The following PPP4R3B variants were observed in gnomAD, a reference collection of about 807,000 sequenced individuals.
PPP4R3B encodes the protein protein phosphatase 4 regulatory subunit 3B, also known as serine/threonine-protein phosphatase 4 regulatory subunit 3B.
A neutral mutation model predicts 95.4 loss-of-function variants in PPP4R3B; 52 were observed. That is an observed-to-expected ratio of 0.54 (90% confidence interval 0.44 to 0.69). The LOEUF (loss-of-function observed/expected upper bound fraction) is 0.69, where lower values mean the gene tolerates loss of function less well. Among genes scored for constraint, PPP4R3B ranks in the 30% least tolerant of loss-of-function variants. The pLI is 0.00. For synonymous variants in PPP4R3B, 407 were observed against 343.9 expected (o/e 1.18, Z -2.03); for missense variants, 1,003 against 1,005.9 (o/e 1.00, Z 0.04).
Position 55,615,476 on chromosome 2 carries a change from G to T in PPP4R3B, c.173C>A (p.Pro58Gln). The T allele has an allele frequency of 6.3e-7, 1 of 1,592,448 alleles. No individual in the cohort carries two copies. Among genetic ancestry groups the T allele is most frequent in the South Asian group, 1.1e-5 (1 of 87,782 alleles). ...GSLLLESKIN[P>Q]NTAYQKQQDT... is the part of the protein sequence containing the mutation. ...CTGTTGTTTCTGATATGCAGTATTTGGATTTATCTTTGATTCCAAGAGTAG... is the reference window on the plus strand; with the variant it reads ...CTGTTGTTTCTGATATGCAGTATTTTGATTTATCTTTGATTCCAAGAGTAG... Residue 58 changes from proline to glutamine, a missense_variant, in exon 2 of 17, where the codon CCA becomes CAA. Pro to Gln is a moderately conservative substitution (Grantham distance 76). Coordinates refer to ENST00000616407, the MANE Select transcript of PPP4R3B (RefSeq NM_001122964.3).
At chr2:55,553,798 G>A (rs1186763963) in intron 16 of PPP4R3B, among the ~76,000 whole-genome samples, 1 of 152,038 alleles carries the variant, frequency 6.6e-6, no homozygotes, top group Non-Finnish European at 1.5e-5. Flanking sequence ...CTTTTTTATG[G>A]CCAAATAATA....
At chr2:55,581,186 G>C (rs1018017577) in intron 8 of PPP4R3B, among the ~76,000 whole-genome samples, 1 of 152,146 alleles carries the variant, frequency 6.6e-6, no homozygotes, top group Admixed American at 6.5e-5. Flanking sequence ...CCGAGAGGCG[G>C]AGGTTGCAGT....
At chr2:55,579,103 A>C (rs2104197360) in intron 9 of PPP4R3B, among the ~76,000 whole-genome samples, 1 of 152,212 alleles carries the variant, frequency 6.6e-6, no homozygotes, top group East Asian at 1.9e-4. Flanking sequence ...TCCTTCAAAA[A>C]ATTTTTAGAT....
At chr2:55,571,639 TTCTTGAGACAGAGTC>T (rs1191925358) in intron 12 of PPP4R3B, among the ~76,000 whole-genome samples, 1 of 152,212 alleles carries the variant, frequency 6.6e-6, no homozygotes, top group East Asian at 1.9e-4. Flanking sequence ...GTTTGTTTGT[TTCTTGAGACAGAGTC>T]TTGCTCTGTT....
At position 55,617,308 on chromosome 2, in the gene PPP4R3B, C is replaced by G; in HGVS notation, c.-23G>C. ...CATGGTGGCTGCTGTCTCCACCGCTCTAGCCGCCGCCTCCTCGCTTACCTC... is the reference window on the plus strand; with the variant it reads ...CATGGTGGCTGCTGTCTCCACCGCTGTAGCCGCCGCCTCCTCGCTTACCTC... On this transcript the variant is annotated 5_prime_UTR_variant, in exon 1 of 17. Coordinates refer to ENST00000616407, the MANE Select transcript of PPP4R3B (RefSeq NM_001122964.3). The G allele has an allele frequency of 6.4e-7, 1 of 1,572,488 alleles. No individual in the cohort carries two copies. Among genetic ancestry groups the G allele is most frequent in the South Asian group, 1.1e-5 (1 of 87,684 alleles).
chr2:55,580,665 T>G (rs895961508), intron 8 of PPP4R3B, among the ~76,000 whole-genome samples: 1 of 152,196 alleles, frequency 6.6e-6, no homozygotes, highest in Non-Finnish European at 1.5e-5. Flanking sequence ...CTTTGAAAAT[T>G]TGGAAAATAA....
intron 12 of PPP4R3B, among the ~76,000 whole-genome samples, chr2:55,570,032 A>G (rs1350172125): frequency 2.0e-5 from 3 of 152,146 alleles, no homozygotes; most frequent in Non-Finnish European, 2.9e-5. Flanking sequence ...CAGGCAGATC[A>G]CGAGATCAGG....
chr2:55,585,079 A>G lies in PPP4R3B; in HGVS notation c.1205T>C (p.Val402Ala). Residue 402 changes from valine to alanine, a missense_variant, in exon 7 of 17, where the codon GTA (valine) becomes GCA (alanine). By Grantham distance (64) the Val-to-Ala change is moderately conservative. This residue lies in a region of PPP4R3B where 695 missense variants were observed against 686.2 expected (regional missense o/e 1.01). Transcript: ENST00000616407. ...ATCACTCTGCTGAGCTTCTTGCATT[A>G]CAAACTCTCGGACCATAGATGGACT... ...EFSPSMVREF[V>A]MQEAQQSDDD... 1 of 1,611,702 alleles carries G rather than the reference A, an allele frequency of 6.2e-7. No homozygotes were observed. The highest frequency in any genetic ancestry group is 1.1e-5 in the South Asian group (1 of 90,420).
chr2:55,558,232 T>C (rs1156969567), intron 16 of PPP4R3B, among the ~76,000 whole-genome samples: 2 of 152,066 alleles, frequency 1.3e-5, no homozygotes, highest in Non-Finnish European at 2.9e-5. Context: ...TCCAAGAAAA[T>C]AATTTAAAAT....
At chr2:55,578,139 C>A (rs1688939099) in intron 10 of PPP4R3B, 108 bp downstream of exon 10, 12 of 1,110,798 alleles carry the variant, frequency 1.1e-5, no homozygotes, top group Non-Finnish European at 1.4e-5. Context: ...ATATGTATGA[C>A]AGACATTAAA....
At chr2:55,565,609 TATA>T (rs1313755186) in intron 13 of PPP4R3B, 1 of 152,228 alleles carries the variant, frequency 6.6e-6, no homozygotes, top group African/African-American at 2.4e-5. Flanking sequence ...AATACATCTG[TATA>T]ATATTATGTA....
chr2:55,588,679 G>C (rs982784102), intron 5 of PPP4R3B, among the ~76,000 whole-genome samples, 200 bp downstream of exon 5: 5 of 152,084 alleles, frequency 3.3e-5, no homozygotes, highest in African/African-American at 7.2e-5. Context: ...AACATCCTAA[G>C]AAGTTTCTAA....
At chr2:55,577,754 A>C (rs1294542375) in intron 10 of PPP4R3B, among the ~76,000 whole-genome samples, 1 of 152,102 alleles carries the variant, frequency 6.6e-6, no homozygotes, top group Non-Finnish European at 1.5e-5. Flanking sequence ...CTAATTTTTA[A>C]AAACAGAAAA....
chr2:55,565,038 C>A lies in PPP4R3B; in HGVS notation c.1939G>T (p.Asp647Tyr). ...ATATGGGCAGTAAGAGACTTGATAT[C>A]TTCCTGTATAAGCACAAAATTTACA... ...IELFEFIRVE[D>Y]IKSLTAHIVE... is the part of the protein sequence containing the mutation. Residue 647 changes from aspartate to tyrosine, a missense_variant, in exon 14 of 17, where the codon GAT becomes TAT. Coordinates refer to ENST00000616407, the MANE Select transcript of PPP4R3B (RefSeq NM_001122964.3). 6.4e-7 allele frequency: 1 copy of A among 1,570,562 alleles called. No individual in the cohort carries two copies. The highest frequency in any genetic ancestry group is 8.6e-7 in the Non-Finnish European group (1 of 1,162,648).
intron 4 of PPP4R3B, among the ~76,000 whole-genome samples, chr2:55,595,739 A>G (rs1225875139): frequency 2.0e-4 from 5 of 25,560 alleles, no homozygotes; most frequent in African/African-American, 3.6e-4. Context: ...AAAGTACATG[A>G]AAAAAAAAAA....
At chr2:55,599,591 T>C (rs566291188) in intron 3 of PPP4R3B, among the ~76,000 whole-genome samples, 3 of 152,348 alleles carry the variant, frequency 2.0e-5, no homozygotes, top group African/African-American at 4.8e-5. Flanking sequence ...TGACAAGCCA[T>C]TGAAATTTTA....
chr2:55,567,246 C>T (rs1687427877), intron 13 of PPP4R3B, among the ~76,000 whole-genome samples: 1 of 152,100 alleles, frequency 6.6e-6, no homozygotes, highest in Non-Finnish European at 1.5e-5. Context: ...CCTGATTGTG[C>T]TACTATCCAA....
intron 2 of PPP4R3B, among the ~76,000 whole-genome samples, chr2:55,612,367 A>C (rs1321383220): frequency 6.6e-6 from 1 of 152,246 alleles, no homozygotes; most frequent in Non-Finnish European, 1.5e-5. Flanking sequence ...TAATTCTAAC[A>C]AACATAGAAA....
chr2:55,596,957 T>C (rs577704625), intron 4 of PPP4R3B, among the ~76,000 whole-genome samples: 2 of 152,152 alleles, frequency 1.3e-5, no homozygotes, highest in African/African-American at 4.8e-5. Flanking sequence ...AGAGTGAAAC[T>C]CCGTCTCAAA....
Sources: allele counts gnomAD v4.1 joint callset (sites outside exome capture counted in the v4.1 genomes callset), GRCh38; gene constraint gnomAD v4.1.1; regional missense constraint gnomAD v4.1.1; transcripts MANE v1.5; gene names NCBI Gene and HGNC (gene_info 2026-07-23, HGNC 2026-07-21).